CCSER1: variants seen among roughly 807,000 people sequenced by gnomAD.
CCSER1 encodes the protein serine-rich coiled-coil domain-containing protein 1.
CCSER1 carries 41 observed loss-of-function variants against 82.0 expected under a neutral mutation model. The observed-to-expected ratio is 0.50, with a 90% CI of 0.39 to 0.65. The LOEUF (loss-of-function observed/expected upper bound fraction) is 0.65. Among genes scored for constraint, CCSER1 ranks in the 30% least tolerant of loss-of-function variants. CCSER1 has a pLI of 0.00. For synonymous variants in CCSER1, 414 were observed against 383.9 expected, an observed-to-expected ratio of 1.08 and a Z score of -0.92; for missense variants, 1,119 against 1,064.2, an observed-to-expected ratio of 1.05 and a Z score of -0.72.
chr4:90,646,747 G>A (rs949913933), intron 6 of CCSER1, among the ~76,000 whole-genome samples: 1 of 152,110 alleles, frequency 6.6e-6, no homozygotes, highest in Admixed American at 6.6e-5. Flanking sequence ...GTAAAGCAAT[G>A]CATAGATTAC....
chr4:90,807,175 C>T (rs1338283117), intron 7 of CCSER1, among the ~76,000 whole-genome samples: 3 of 152,080 alleles, frequency 2.0e-5, no homozygotes, highest in South Asian at 2.1e-4. Context: ...GGATTTGATC[C>T]TGTATCTCTC....
intron 8 of CCSER1, among the ~76,000 whole-genome samples, chr4:90,867,322 A>G (rs1765866397): frequency 6.6e-6 from 1 of 152,144 alleles, no homozygotes; most frequent in Non-Finnish European, 1.5e-5. Context: ...GCCAAATTAA[A>G]GGTAATTCAT....
chr4:90,699,107 A>G (rs1737534529), intron 6 of CCSER1, among the ~76,000 whole-genome samples: 1 of 152,114 alleles, frequency 6.6e-6, no homozygotes, highest in Admixed American at 6.5e-5. Context: ...TCTCAAAACA[A>G]CAACAATAAC....
chr4:91,546,619 A>C (rs1761904779), intron 10 of CCSER1, among the ~76,000 whole-genome samples: 1 of 151,708 alleles, frequency 6.6e-6, no homozygotes, highest in Non-Finnish European at 1.5e-5. Flanking sequence ...GTAATTTGTG[A>C]TTCTCCCTTT....
chr4:91,378,412 C>G lies in CCSER1; in HGVS notation c.2218-220160C>G, dbSNP rs563299312. Reference sequence around the variant, plus strand: ...GAATGTTCTTCCATTTGTTTGTGTCCTCTTTTATTTCATTGAGCAGTGGTT... The same window carrying G: ...GAATGTTCTTCCATTTGTTTGTGTCGTCTTTTATTTCATTGAGCAGTGGTT... On this transcript the variant is annotated intron_variant, in intron 10 of 10. Coordinates refer to ENST00000509176, the MANE Select transcript of CCSER1 (RefSeq NM_001145065.2). Among the ~76,000 whole-genome samples the G allele has an allele frequency of 1.1e-4, 16 of 152,182 alleles. No individual in the cohort carries two copies. In the South Asian group the frequency reaches 2.9e-3, roughly 28 times the overall value.
intron 1 of CCSER1, among the ~76,000 whole-genome samples, chr4:90,154,360 G>A (rs1164013168): frequency 3.3e-5 from 5 of 152,104 alleles, no homozygotes; most frequent in African/African-American, 4.8e-5. Flanking sequence ...GTGGCGATGC[G>A]GGCTCTTTTT....
intron 9 of CCSER1, among the ~76,000 whole-genome samples, chr4:90,949,096 G>A (rs1732604906): frequency 6.6e-6 from 1 of 152,028 alleles, no homozygotes; most frequent in African/African-American, 2.4e-5. Context: ...TTTGTATAGA[G>A]AAAGAGATGC....
At chr4:90,971,896 CAT>C (rs761942696) in intron 9 of CCSER1, among the ~76,000 whole-genome samples, 1 of 151,814 alleles carries the variant, frequency 6.6e-6, no homozygotes, top group Non-Finnish European at 1.5e-5. Flanking sequence ...AGAATAAAAA[CAT>C]ATAATCTCAA....
At chr4:90,455,908 A>T (rs377451295) in intron 4 of CCSER1, among the ~76,000 whole-genome samples, 35 of 152,244 alleles carry the variant, frequency 2.3e-4, no homozygotes, top group East Asian at 1.5e-3. Context: ...GATCTCTCAC[A>T]TCTAGTTTTT....
At chr4:91,082,846 C>A in intron 9 of CCSER1, among the ~76,000 whole-genome samples, 1 of 152,156 alleles carries the variant, frequency 6.6e-6, no homozygotes, top group South Asian at 2.1e-4. Context: ...AAATGCAAAT[C>A]AAAACCACAA....
At chr4:91,454,876 T>G (rs760919480) in intron 10 of CCSER1, among the ~76,000 whole-genome samples, 1 of 152,002 alleles carries the variant, frequency 6.6e-6, no homozygotes, top group Non-Finnish European at 1.5e-5. Flanking sequence ...GTTCTAACCC[T>G]TTTAGCATCT....
intron 10 of CCSER1, among the ~76,000 whole-genome samples, chr4:91,414,836 C>A (rs1253845504): frequency 6.6e-6 from 1 of 152,038 alleles, no homozygotes; most frequent in East Asian, 1.9e-4. Flanking sequence ...TATATAAAAT[C>A]ATTATATAAT....
chr4:91,391,772 T>C (rs1343416993), intron 10 of CCSER1, among the ~76,000 whole-genome samples: 1 of 152,162 alleles, frequency 6.6e-6, no homozygotes, highest in Non-Finnish European at 1.5e-5. Flanking sequence ...ATTTGGTCTG[T>C]TTTAGAAAAT....
chr4:90,312,545 A>G (rs770118608), intron 2 of CCSER1, among the ~76,000 whole-genome samples: 2 of 152,142 alleles, frequency 1.3e-5, no homozygotes, highest in Non-Finnish European at 2.9e-5. Context: ...TAACCAAGCC[A>G]GCATAGATTT....
intron 7 of CCSER1, 55 bp from the exon 8 acceptor site, chr4:90,815,707 A>T: frequency 7.7e-7 from 1 of 1,304,654 alleles, no homozygotes; most frequent in South Asian, 1.5e-5. Context: ...TTTCCTTATC[A>T]AGAGCAAAGT....
chr4:90,174,688 G>A lies in CCSER1; in HGVS notation c.-42+46857G>A, dbSNP rs75448616. On this transcript the variant is annotated intron_variant, in intron 1 of 10. Coordinates refer to ENST00000509176, the MANE Select transcript of CCSER1 (RefSeq NM_001145065.2). ...GCAGAGGATCCCCTTTAGGTATTCT[G>A]CTGAATACTAAGTAGCACATGTATG... Among the ~76,000 whole-genome samples the A allele has an allele frequency of 8.6e-3, 1,315 of 152,084 alleles. 10 individuals carry two copies. The highest frequency in any genetic ancestry group is 0.017 in the Middle Eastern group (5 of 294).
chr4:90,205,545 G>A (rs1311052698), intron 1 of CCSER1, among the ~76,000 whole-genome samples: 3 of 152,192 alleles, frequency 2.0e-5, no homozygotes, highest in African/African-American at 7.2e-5. Context: ...CAGGGATGAA[G>A]CCTACTTGAT....
At chr4:90,309,655 T>C (rs1734955761) in intron 2 of CCSER1, 47 bp downstream of exon 2, 1 of 1,382,670 alleles carries the variant, frequency 7.2e-7, no homozygotes, top group Non-Finnish European at 9.7e-7. Context: ...TTAATTTTCA[T>C]TATACTTTAT....
intron 3 of CCSER1, among the ~76,000 whole-genome samples, chr4:90,339,356 T>C (rs1410223205): frequency 6.6e-6 from 1 of 152,176 alleles, no homozygotes; most frequent in Non-Finnish European, 1.5e-5. Flanking sequence ...TTTGGTTCAC[T>C]CTTGCTTGCT....
Sources: allele counts gnomAD v4.1 joint callset (sites outside exome capture counted in the v4.1 genomes callset), GRCh38; gene constraint gnomAD v4.1.1; transcripts MANE v1.5; gene names NCBI Gene and HGNC (gene_info 2026-07-23, HGNC 2026-07-21).